TSNARE1: variants seen among roughly 807,000 people sequenced by gnomAD.
TSNARE1 encodes t-SNARE domain-containing protein 1.
In TSNARE1, 49 loss-of-function variants were observed where a neutral mutation model predicts 62.0. The observed-to-expected ratio is 0.79, with a 90% CI of 0.63 to 1.00. The LOEUF is 1.00. Ranked by LOEUF, TSNARE1 falls within the 50% of genes least tolerant of loss-of-function variation. The pLI is 0.00. For missense variants in TSNARE1, 755 were observed against 700.1 expected (o/e 1.08, Z -0.88); for synonymous variants, 328 against 294.4 (o/e 1.11, Z -1.17).
At chr8:142,354,936 C>A (rs777071479) in intron 1 of TSNARE1, among the ~76,000 whole-genome samples, 173 bp from the exon 2 acceptor site, 23 of 152,168 alleles carry the variant, frequency 1.5e-4, no homozygotes, top group Admixed American at 8.5e-4. Context: ...GCAACCCCCC[C>A]ACAGAGCCCC....
At chr8:142,348,912 G>A (rs56725986) in intron 2 of TSNARE1, among the ~76,000 whole-genome samples, 4,261 of 152,278 alleles carry the variant, frequency 0.028, 66 homozygotes, top group East Asian at 0.068. Context: ...CTAAGGTGCT[G>A]CACAGTTAGG....
At chr8:142,263,890 T>C (rs998604292) in intron 12 of TSNARE1, among the ~76,000 whole-genome samples, 2 of 152,252 alleles carry the variant, frequency 1.3e-5, no homozygotes, top group African/African-American at 2.4e-5. Flanking sequence ...TTGGACTTTG[T>C]AGCGCCTTCC....
At chr8:142,374,679 C>CA (rs1219756682) in intron 1 of TSNARE1, among the ~76,000 whole-genome samples, 1,214 of 59,100 alleles carry the variant, frequency 0.021, 17 homozygotes, top group African/African-American at 0.054. Flanking sequence ...GACGCTGTCT[C>CA]AAAAAAAAAA....
chr8:142,218,002 AG>A (rs1586746837), intron 13 of TSNARE1, among the ~76,000 whole-genome samples: 10 of 107,702 alleles, frequency 9.3e-5, no homozygotes, highest in African/African-American at 1.2e-4. Context: ...GAGCAGGATC[AG>A]GGCTCAGTGT....
At chr8:142,331,875 A>AAGCCTGCAG (rs1156377274) in intron 4 of TSNARE1, 44 bp from the exon 5 acceptor site, 1 of 1,549,998 alleles carries the variant, frequency 6.5e-7, no homozygotes, top group East Asian at 2.4e-5. Context: ...GCTAAGGGTG[A>AAGCCTGCAG]AGCCTGCAGG....
At chr8:142,401,784 C>T (rs925566125) in intron 1 of TSNARE1, among the ~76,000 whole-genome samples, 3 of 152,232 alleles carry the variant, frequency 2.0e-5, no homozygotes, top group African/African-American at 7.2e-5. Context: ...CAGCCACCTG[C>T]ATTCACGGCC....
chr8:142,241,498 G>GA (rs570671402), intron 12 of TSNARE1, among the ~76,000 whole-genome samples: 188 of 151,892 alleles, frequency 1.2e-3, no homozygotes, highest in African/African-American at 4.3e-3. Context: ...CACAGAAATA[G>GA]AAAAAAAATC....
At chr8:142,264,224 A>G (rs1819028670) in intron 12 of TSNARE1, among the ~76,000 whole-genome samples, 2 of 152,212 alleles carry the variant, frequency 1.3e-5, no homozygotes. Flanking sequence ...CCAAACATAC[A>G]ATGACCTTTT....
At chr8:142,238,912 A>C (rs1305882858) in intron 12 of TSNARE1, among the ~76,000 whole-genome samples, 1 of 151,722 alleles carries the variant, frequency 6.6e-6, no homozygotes, top group Non-Finnish European at 1.5e-5. Flanking sequence ...AGCCTCTCAG[A>C]CTTCTGCTCA....
At chr8:142,311,101 C>T (rs1586724528) in intron 9 of TSNARE1, among the ~76,000 whole-genome samples, 1 of 151,772 alleles carries the variant, frequency 6.6e-6, no homozygotes, top group East Asian at 1.9e-4. Context: ...CCACCTGCCT[C>T]GGCCTCCCAA....
chr8:142,357,881 A>G (rs1834865878), intron 1 of TSNARE1, among the ~76,000 whole-genome samples: 1 of 152,246 alleles, frequency 6.6e-6, no homozygotes, highest in Admixed American at 6.5e-5. Context: ...GATGTTAACC[A>G]GAGGCCACGA....
At chr8:142,332,229 G>T (rs1039692307) in intron 4 of TSNARE1, among the ~76,000 whole-genome samples, 1 of 152,208 alleles carries the variant, frequency 6.6e-6, no homozygotes, top group African/African-American at 2.4e-5. Context: ...GCTCTGCACC[G>T]GCAGCTCAGC....
chr8:142,370,852 A>AC (rs1055992010), intron 1 of TSNARE1, among the ~76,000 whole-genome samples: 37 of 151,580 alleles, frequency 2.4e-4, no homozygotes, highest in South Asian at 8.3e-4. Context: ...AAAAAACAAA[A>AC]AAAAAAAAAC....
chr8:142,378,707 C>T (rs934625061), intron 1 of TSNARE1, among the ~76,000 whole-genome samples: 4 of 152,314 alleles, frequency 2.6e-5, no homozygotes, highest in East Asian at 1.9e-4. Flanking sequence ...TTAGGGGTTG[C>T]CCAGAGGTAA....
chr8:142,254,090 C>A (rs907219086), intron 12 of TSNARE1, among the ~76,000 whole-genome samples: 4 of 152,170 alleles, frequency 2.6e-5, no homozygotes, highest in Admixed American at 6.5e-5. Flanking sequence ...CTTCCACCTT[C>A]TTCTTGGCAG....
intron 12 of TSNARE1, among the ~76,000 whole-genome samples, chr8:142,255,989 C>A (rs1381996950): frequency 2.4e-5 from 1 of 41,564 alleles, no homozygotes; most frequent in African/African-American, 8.1e-5. Flanking sequence ...ACCACCACCA[C>A]CGTCACCATC....
intron 2 of TSNARE1, among the ~76,000 whole-genome samples, chr8:142,349,571 A>G (rs892740321): frequency 6.6e-6 from 1 of 152,216 alleles, no homozygotes; most frequent in Non-Finnish European, 1.5e-5. Flanking sequence ...GCCAGGGGCC[A>G]TATCTCTGCA....
At chr8:142,354,414 G>A (rs571440661) in intron 2 of TSNARE1, among the ~76,000 whole-genome samples, 1 of 151,922 alleles carries the variant, frequency 6.6e-6, no homozygotes, top group African/African-American at 2.4e-5. Context: ...AGCATGAACT[G>A]GGACACCCAG....
At chr8:142,269,155 C>A (rs1334488531) in intron 12 of TSNARE1, among the ~76,000 whole-genome samples, 1 of 152,210 alleles carries the variant, frequency 6.6e-6, no homozygotes, top group Non-Finnish European at 1.5e-5. Flanking sequence ...CCTGGACTGA[C>A]CAGGGTCAGG....
Sources: gnomAD v4.1 joint callset for allele counts (sites outside exome capture counted in the v4.1 genomes callset) on GRCh38, gnomAD v4.1.1 for gene constraint, MANE v1.5 for transcripts, NCBI Gene and HGNC (gene_info 2026-07-23, HGNC 2026-07-21) for gene names.